PRKCE: variants seen among roughly 807,000 people sequenced by gnomAD.
PRKCE encodes protein kinase C epsilon type.
PRKCE carries 16 observed loss-of-function variants against 85.4 expected under a neutral mutation model. That is an observed-to-expected ratio of 0.19 (90% CI 0.13 to 0.28). The LOEUF (loss-of-function observed/expected upper bound fraction) is 0.28. PRKCE is among the 10% of genes least tolerant of loss of function. PRKCE has a pLI of 1.00. For missense variants in PRKCE, 573 were observed against 975.2 expected, an observed-to-expected ratio of 0.59 and a Z score of 5.49; for synonymous variants, 388 against 371.5, an observed-to-expected ratio of 1.04 and a Z score of -0.51.
At chr2:46,011,860 C>G (rs931639650) in intron 10 of PRKCE, among the ~76,000 whole-genome samples, 3 of 152,206 alleles carry the variant, frequency 2.0e-5, no homozygotes, top group African/African-American at 7.2e-5. Context: ...TCCTTCTGAT[C>G]TCTCAGGAGA....
intron 11 of PRKCE, among the ~76,000 whole-genome samples, chr2:46,105,526 C>T (rs1039164996): frequency 6.6e-6 from 1 of 151,350 alleles, no homozygotes; most frequent in African/African-American, 2.4e-5. Context: ...AGATGCATAC[C>T]TCAATCTGTG....
At chr2:45,908,740 A>G (rs1197331604) in intron 2 of PRKCE, among the ~76,000 whole-genome samples, 2 of 152,300 alleles carry the variant, frequency 1.3e-5, no homozygotes, top group East Asian at 1.9e-4. Context: ...GAAGAGGCCG[A>G]TAAGGTCCCA....
At chr2:45,777,675 G>C (rs1435339810) in intron 1 of PRKCE, among the ~76,000 whole-genome samples, 4 of 152,112 alleles carry the variant, frequency 2.6e-5, no homozygotes, top group African/African-American at 9.7e-5. Flanking sequence ...AGAGGCCCCG[G>C]GAGGGTAGGC....
At chr2:45,851,990 A>G (rs1312055861) in intron 2 of PRKCE, 2 of 152,306 alleles carry the variant, frequency 1.3e-5, no homozygotes, top group Non-Finnish European at 2.9e-5. Flanking sequence ...TAACTCCAGG[A>G]ACCACTTGCC....
intron 1 of PRKCE, among the ~76,000 whole-genome samples, chr2:45,733,200 A>T (rs1007756637): frequency 6.6e-6 from 1 of 152,218 alleles, no homozygotes; most frequent in African/African-American, 2.4e-5. Context: ...TGTGAGCTTG[A>T]TGCAGGCAGA....
chr2:45,939,640 C>T (rs1426653258), intron 2 of PRKCE, among the ~76,000 whole-genome samples: 3 of 152,068 alleles, frequency 2.0e-5, no homozygotes, highest in Non-Finnish European at 2.9e-5. Flanking sequence ...CTGCAACCTC[C>T]GCCTCCTGGG....
At chr2:46,157,347 C>A (rs1338716720) in intron 13 of PRKCE, among the ~76,000 whole-genome samples, 2 of 152,286 alleles carry the variant, frequency 1.3e-5, no homozygotes, top group East Asian at 3.9e-4. Flanking sequence ...ACCAGCTGAG[C>A]CCTTTTATTT....
chr2:46,073,875 C>G (rs1455584615), intron 10 of PRKCE: 2 of 152,106 alleles, frequency 1.3e-5, no homozygotes, highest in Non-Finnish European at 2.9e-5. Flanking sequence ...CACTGGATAC[C>G]TGAGTAACTG....
chr2:45,833,492 G>A (rs1235162592), intron 1 of PRKCE, among the ~76,000 whole-genome samples: 1 of 152,218 alleles, frequency 6.6e-6, no homozygotes, highest in African/African-American at 2.4e-5. Context: ...ACAGGAAGTT[G>A]TGTGCCAGAC....
intron 1 of PRKCE, among the ~76,000 whole-genome samples, chr2:45,736,601 C>T (rs1243478892): frequency 6.6e-6 from 1 of 152,224 alleles, no homozygotes; most frequent in Non-Finnish European, 1.5e-5. Flanking sequence ...CCTGCCTCTC[C>T]ATCAACTTTA....
chr2:46,075,974 A>G (rs1192446066), intron 10 of PRKCE, among the ~76,000 whole-genome samples: 1 of 152,204 alleles, frequency 6.6e-6, no homozygotes, highest in Non-Finnish European at 1.5e-5. Flanking sequence ...CACGAATGGC[A>G]ATTGATAGAG....
rs1334098046 is a variant in PRKCE, at chr2:46,145,693, C to A, written c.1731+462C>A. The stretch of plus-strand genomic sequence containing the variant: ...GACCAGCCGGGGCAACATGGTGAAA[C>A]CCTGTCTATATAAAAAATACAAAAA... On this transcript the variant is annotated intron_variant, in intron 12 of 14. Coordinates refer to ENST00000306156, the MANE Select transcript of PRKCE (RefSeq NM_005400.3). The surrounding 1 kb of genome is among the most constrained non-coding windows in gnomAD (Gnocchi z 4.6). 2.0e-5 allele frequency among the ~76,000 whole-genome samples: 3 copies of A among 152,026 alleles called. No individual in the cohort carries two copies. Among genetic ancestry groups the A allele is most frequent in the African/African-American group, 7.2e-5 (3 of 41,388 alleles).
intron 2 of PRKCE, among the ~76,000 whole-genome samples, chr2:45,926,489 G>A (rs1366580690): frequency 6.6e-6 from 1 of 152,132 alleles, no homozygotes; most frequent in Non-Finnish European, 1.5e-5. Context: ...TAAAGAGGAG[G>A]GGATGTTGCC....
At chr2:46,039,122 C>T (rs1321856767) in intron 10 of PRKCE, among the ~76,000 whole-genome samples, 3 of 152,116 alleles carry the variant, frequency 2.0e-5, no homozygotes, top group African/African-American at 4.8e-5. Flanking sequence ...CTCTGTGTTT[C>T]GGATTCTTGA....
At chr2:45,653,242 T>C (rs1572860238) in intron 1 of PRKCE, among the ~76,000 whole-genome samples, 1 of 152,320 alleles carries the variant, frequency 6.6e-6, no homozygotes, top group East Asian at 1.9e-4. Flanking sequence ...ATTCCATTAT[T>C]AAACTATTAA....
chr2:45,947,460 G>A (rs1356783804), intron 2 of PRKCE, among the ~76,000 whole-genome samples: 2 of 152,106 alleles, frequency 1.3e-5, no homozygotes, highest in African/African-American at 4.8e-5. Flanking sequence ...ACTTTCAACA[G>A]GTGAATTGTA....
At chr2:46,168,346 C>T (rs913410990) in intron 14 of PRKCE, among the ~76,000 whole-genome samples, 1 of 152,172 alleles carries the variant, frequency 6.6e-6, no homozygotes, top group African/African-American at 2.4e-5. Context: ...GGGAGGACTT[C>T]CTAGGCCACG....
chr2:45,674,526 G>C (rs1468560588), intron 1 of PRKCE, among the ~76,000 whole-genome samples: 4 of 152,178 alleles, frequency 2.6e-5, no homozygotes, highest in African/African-American at 7.2e-5. Context: ...TTGTAAGTCA[G>C]GGCCCAACTC....
intron 1 of PRKCE, among the ~76,000 whole-genome samples, chr2:45,837,308 G>A (rs1047944358): frequency 6.6e-6 from 1 of 152,198 alleles, no homozygotes; most frequent in Admixed American, 6.5e-5. Flanking sequence ...CTAGGCTGGA[G>A]TGCAGTGGTG....
Sources: allele counts gnomAD v4.1 joint callset (sites outside exome capture counted in the v4.1 genomes callset), GRCh38; gene constraint gnomAD v4.1.1; non-coding constraint Gnocchi (gnomAD v3.1); transcripts MANE v1.5; gene names NCBI Gene and HGNC (gene_info 2026-07-23, HGNC 2026-07-21).